INTS6: variants seen among roughly 807,000 people sequenced by gnomAD.
The protein encoded by INTS6 is DEAD box protein.
INTS6 carries 16 observed loss-of-function variants against 104.9 expected under a neutral mutation model. That is an observed-to-expected ratio of 0.15 (90% CI 0.10 to 0.23). The LOEUF (loss-of-function observed/expected upper bound fraction) is 0.23, where lower values mean the gene tolerates loss of function less well. INTS6 is among the 10% of genes least tolerant of loss of function. INTS6 has a pLI of 1.00. For synonymous variants in INTS6, 324 were observed against 358.7 expected (o/e 0.90, Z 1.09); for missense variants, 584 against 1,062.8 (o/e 0.55, Z 6.26).
At chr13:51,376,600 C>T (rs1219492447) in intron 12 of INTS6, among the ~76,000 whole-genome samples, 1 of 151,968 alleles carries the variant, frequency 6.6e-6, no homozygotes, top group African/African-American at 2.4e-5. Flanking sequence ...AATCCATTTC[C>T]ACCATCCCCA....
the INTS6 span, chr13:51,348,070 G>A: frequency 1.6e-6 from 1 of 630,556 alleles, no homozygotes; most frequent in Admixed American, 2.9e-5. Context: ...ACAGTCTTTG[G>A]CCTGAAACCG....
the INTS6 span, among the ~76,000 whole-genome samples, chr13:51,346,765 C>T: frequency 6.6e-6 from 1 of 152,186 alleles, no homozygotes; most frequent in Admixed American, 6.5e-5. Context: ...TATAAAATGA[C>T]CATATCGCTC....
chr13:51,413,822 A>C (rs1956733408), intron 4 of INTS6, among the ~76,000 whole-genome samples: 1 of 152,146 alleles, frequency 6.6e-6, no homozygotes, highest in South Asian at 2.1e-4. Context: ...TCAGGTCTGA[A>C]GCAAAAATGT....
Position 51,364,116 on chromosome 13 carries a change from A to C in INTS6, c.*1636T>G. ...CAATGTGACTACAGGCAATTACCTTAACAATTCCATCTATTAAATGTTATC... is the reference window on the plus strand; with the variant it reads ...CAATGTGACTACAGGCAATTACCTTCACAATTCCATCTATTAAATGTTATC... On this transcript the variant is annotated 3_prime_UTR_variant, in exon 18 of 18. Transcript: ENST00000311234. The C allele has an allele frequency of 2.2e-6, 1 of 454,592 alleles. No individual in the cohort carries two copies. Among genetic ancestry groups the C allele is most frequent in the Non-Finnish European group, 3.8e-6 (1 of 264,188 alleles). 28.2% of individuals were successfully genotyped at this position (454,592 alleles called of 1,614,324 possible).
At chr13:51,400,523 C>T (rs1956417357) in intron 4 of INTS6, among the ~76,000 whole-genome samples, 1 of 152,036 alleles carries the variant, frequency 6.6e-6, no homozygotes. Flanking sequence ...CATTTTTTTT[C>T]CCAAATGGAT....
chr13:51,429,779 A>T (rs1422625728), intron 4 of INTS6, among the ~76,000 whole-genome samples: 1 of 129,492 alleles, frequency 7.7e-6, no homozygotes, highest in African/African-American at 3.1e-5. Context: ...AAAAAAAAAA[A>T]AAAAAAATAT....
At chr13:51,359,674 C>A (rs1042227211), downstream of INTS6, among the ~76,000 whole-genome samples, 3 of 152,092 alleles carry the variant, frequency 2.0e-5, no homozygotes, top group African/African-American at 7.2e-5. Flanking sequence ...TAGTGAATCT[C>A]TGCTTATTTC....
intron 3 of INTS6, among the ~76,000 whole-genome samples, chr13:51,431,851 GA>G (rs1402727087): frequency 6.6e-6 from 1 of 152,180 alleles, no homozygotes; most frequent in East Asian, 1.9e-4. Context: ...CTTGCAGGGA[GA>G]AAACATGAAT....
chr13:51,374,623 C>T (rs769160231), intron 14 of INTS6, 31 bp downstream of exon 14: 1 of 1,609,322 alleles, frequency 6.2e-7, no homozygotes, highest in Admixed American at 1.7e-5. Context: ...CTACCATAAA[C>T]AAATTACATA....
chr13:51,384,369 C>A, intron 7 of INTS6: 1 of 245,634 alleles, frequency 4.1e-6, no homozygotes, highest in South Asian at 4.9e-5. Flanking sequence ...ACTCCCCAAT[C>A]TACCTCTTAA....
At chr13:51,359,609 G>A (rs1955530744), downstream of INTS6, among the ~76,000 whole-genome samples, 1 of 152,052 alleles carries the variant, frequency 6.6e-6, no homozygotes. Context: ...ACACTGCCAA[G>A]GTGCCCAGAC....
intron 4 of INTS6, among the ~76,000 whole-genome samples, chr13:51,416,367 T>C (rs940784463): frequency 6.6e-6 from 1 of 152,206 alleles, no homozygotes; most frequent in African/African-American, 2.4e-5. Context: ...CACCTGAAAA[T>C]GAAACCCTTC....
At chr13:51,421,233 G>A (rs756613976) in intron 4 of INTS6, 12 of 985,482 alleles carry the variant, frequency 1.2e-5, no homozygotes, top group Non-Finnish European at 1.4e-5. Context: ...GGATCAGGTC[G>A]ATCCTGTATC....
At chr13:51,449,026 G>A (rs1952981152) in intron 3 of INTS6, 1 of 152,124 alleles carries the variant, frequency 6.6e-6, no homozygotes, top group South Asian at 2.1e-4. Flanking sequence ...TAGAAAACAT[G>A]AAATGTTTAA....
the INTS6 span, among the ~76,000 whole-genome samples, chr13:51,338,460 T>C: frequency 1.3e-5 from 2 of 151,628 alleles, no homozygotes; most frequent in Non-Finnish European, 2.9e-5. Flanking sequence ...GATGGATGGA[T>C]GGATGGATGG....
chr13:51,351,913 A>T (rs1459723771), downstream of INTS6, among the ~76,000 whole-genome samples: 1 of 151,772 alleles, frequency 6.6e-6, no homozygotes, highest in Admixed American at 6.6e-5. Context: ...CCTCCACTGA[A>T]TTTTCTTGGC....
At chr13:51,340,122 T>C in the INTS6 span, among the ~76,000 whole-genome samples, 1 of 152,026 alleles carries the variant, frequency 6.6e-6, no homozygotes, top group African/African-American at 2.4e-5. Flanking sequence ...AGAGAGTGAG[T>C]GTGAGCGTGA....
At chr13:51,387,812 A>C (rs1052280422) in intron 6 of INTS6, among the ~76,000 whole-genome samples, 1 of 152,166 alleles carries the variant, frequency 6.6e-6, no homozygotes, top group African/African-American at 2.4e-5. Flanking sequence ...TGGAACACAC[A>C]AAACATACTT....
chr13:51,450,895 C>A, intron 3 of INTS6, 130 bp downstream of exon 3: 1 of 1,316,112 alleles, frequency 7.6e-7, no homozygotes. Flanking sequence ...TGCCTTTGAA[C>A]AATGTGCATA....
Sources: gnomAD v4.1 joint callset for allele counts (sites outside exome capture counted in the v4.1 genomes callset) on GRCh38, gnomAD v4.1.1 for gene constraint, MANE v1.5 for transcripts, NCBI Gene and HGNC (gene_info 2026-07-23, HGNC 2026-07-21) for gene names.